The following SLCO3A1 variants were observed in gnomAD, a reference collection of about 807,000 sequenced individuals.
SLCO3A1 encodes the protein solute carrier organic anion transporter family member 3A1, also known as PGE1 transporter.
A neutral mutation model predicts 63.1 loss-of-function variants in SLCO3A1; 27 were observed. That is an observed-to-expected ratio of 0.43 (90% confidence interval 0.32 to 0.59). SLCO3A1 has a LOEUF of 0.59. Ranked by LOEUF, SLCO3A1 falls within the 20% of genes least tolerant of loss-of-function variation. The pLI is 0.09. For missense variants in SLCO3A1, 773 were observed against 945.8 expected, an observed-to-expected ratio of 0.82 and a Z score of 2.40; for synonymous variants, 473 against 409.9, an observed-to-expected ratio of 1.15 and a Z score of -1.86.
At chr15:91,985,100 G>A (rs1014015794) in intron 2 of SLCO3A1, among the ~76,000 whole-genome samples, 6 of 151,944 alleles carry the variant, frequency 3.9e-5, no homozygotes, top group African/African-American at 9.7e-5. Flanking sequence ...AGCCCCCATC[G>A]TGGCTCTCCA....
chr15:91,917,131 G>A (rs1427942386), intron 2 of SLCO3A1, among the ~76,000 whole-genome samples: 5 of 152,184 alleles, frequency 3.3e-5, no homozygotes, highest in African/African-American at 1.2e-4. Flanking sequence ...AGTGTTTTCA[G>A]TGGCTGCGGT....
intron 1 of SLCO3A1, among the ~76,000 whole-genome samples, chr15:91,910,664 G>C (rs1320056029): frequency 6.6e-6 from 1 of 152,194 alleles, no homozygotes; most frequent in Non-Finnish European, 1.5e-5. Context: ...GGGAACTCGA[G>C]GCTCTCCTGC....
chr15:91,965,721 GGTGTGTGT>G (rs35543509), intron 2 of SLCO3A1, among the ~76,000 whole-genome samples: 7 of 147,632 alleles, frequency 4.7e-5, no homozygotes, highest in South Asian at 4.3e-4. Flanking sequence ...CAGCCAGCAG[GGTGTGTGT>G]GTGTGTGTGT....
chr15:92,022,860 G>A (rs916994780), intron 2 of SLCO3A1, among the ~76,000 whole-genome samples: 5 of 148,518 alleles, frequency 3.4e-5, no homozygotes, highest in Admixed American at 2.0e-4. Context: ...AAAGGCAGGG[G>A]CACTGGGAAG....
In SLCO3A1 at chr15:91,883,368, G is replaced by C. The variant is rs1024091102; in HGVS notation, c.180+29280G>C. Among the ~76,000 whole-genome samples, 5 of 152,208 alleles carry C rather than the reference G, an allele frequency of 3.3e-5. No homozygotes were observed. The highest frequency in any genetic ancestry group is 1.3e-4 in the Admixed American group (2 of 15,284). On this transcript the variant is annotated intron_variant, in intron 1 of 9. Coordinates refer to ENST00000318445, the MANE Select transcript of SLCO3A1 (RefSeq NM_013272.4). The surrounding 1 kb of genome is among the most constrained non-coding windows in gnomAD (Gnocchi z 4.8). ...AGCTGAGGTACCACAGGGGATGCCA[G>C]AGACCTGAGGCTTCTTGGTAGAAGC...
chr15:91,911,746 C>G (rs995951352), intron 1 of SLCO3A1, among the ~76,000 whole-genome samples: 3 of 152,078 alleles, frequency 2.0e-5, no homozygotes, highest in African/African-American at 7.2e-5. Flanking sequence ...CCTGCCTCAG[C>G]CTCCAGAGGA....
intron 2 of SLCO3A1, among the ~76,000 whole-genome samples, chr15:91,949,621 C>A (rs1373212871): frequency 6.6e-6 from 1 of 152,098 alleles, no homozygotes; most frequent in Non-Finnish European, 1.5e-5. Context: ...CAGAGTGAGA[C>A]TCTGTCCCCC....
At chr15:91,933,563 G>A (rs1345845141) in intron 2 of SLCO3A1, among the ~76,000 whole-genome samples, 4 of 152,092 alleles carry the variant, frequency 2.6e-5, no homozygotes, top group African/African-American at 9.7e-5. Context: ...AGTATATAAA[G>A]GATCAGGATA....
At position 91,950,525 on chromosome 15, in the gene SLCO3A1, T is replaced by C. The variant is rs1899963947; in HGVS notation, c.646+34067T>C. Among the ~76,000 whole-genome samples the C allele has an allele frequency of 6.6e-6, 1 of 152,236 alleles. No individual in the cohort carries two copies. The highest frequency in any genetic ancestry group is 2.4e-5 in the African/African-American group (1 of 41,462). Reference sequence around the variant, plus strand: ...ATGGCAGGCGCACCCCACATGGGTGTGTGATCCTTTGTTTTTTTGCTGCAG... The same window carrying C: ...ATGGCAGGCGCACCCCACATGGGTGCGTGATCCTTTGTTTTTTTGCTGCAG... On this transcript the variant is annotated intron_variant, in intron 2 of 9. Transcript: ENST00000318445. This position sits in a 1 kb window ranked among gnomAD's most constrained non-coding sequence, Gnocchi z 4.4.
intron 2 of SLCO3A1, among the ~76,000 whole-genome samples, chr15:91,944,340 T>C (rs1041109738): frequency 6.6e-6 from 1 of 152,124 alleles, no homozygotes; most frequent in Non-Finnish European, 1.5e-5. Context: ...TTTCTGGGCT[T>C]CGAGGCAAGA....
Position 92,128,376 on chromosome 15 carries a change from C to T in SLCO3A1, c.1399C>T (p.Pro467Ser), listed in dbSNP as rs758258733. The T allele has an allele frequency of 8.1e-6, 13 of 1,614,012 alleles. No individual in the cohort carries two copies. The highest frequency in any genetic ancestry group is 1.3e-5 in the African/African-American group (1 of 74,904). The part of the protein sequence containing the change: ...NSTAPGSALD[P>S]YSPCNNNCEC... ...CACAGCACCTGGCTCAGCCCTGGAC[C>T]CCTACTCGCCCTGCAATAATAACTG... The change falls in exon 7 of 10, where the codon CCC becomes TCC. Residue 467 changes from proline (P) to serine (S), a missense_variant. Pro to Ser is a moderately conservative substitution (Grantham distance 74). Coordinates refer to ENST00000318445, the MANE Select transcript of SLCO3A1 (RefSeq NM_013272.4).
intron 2 of SLCO3A1, among the ~76,000 whole-genome samples, chr15:92,011,652 T>C (rs2046370458): frequency 6.6e-6 from 1 of 152,216 alleles, no homozygotes; most frequent in South Asian, 2.1e-4. Flanking sequence ...GTGCCTGCCC[T>C]GTGATGTATT....
chr15:91,880,321 A>G (rs1897538680), intron 1 of SLCO3A1, among the ~76,000 whole-genome samples: 1 of 151,462 alleles, frequency 6.6e-6, no homozygotes, highest in East Asian at 1.9e-4. Context: ...CACCACAATT[A>G]GGAAATTGAC....
rs568348897 is a variant in SLCO3A1, at chr15:92,067,927, G to A, written c.647-26954G>A. 1.7e-3 allele frequency among the ~76,000 whole-genome samples: 252 copies of A among 152,270 alleles called. 3 individuals are homozygous for A. Among genetic ancestry groups the A allele is most frequent in the Admixed American group, 4.9e-3 (75 of 15,306 alleles). On this transcript the variant is annotated intron_variant, in intron 2 of 9. Coordinates refer to ENST00000318445, the MANE Select transcript of SLCO3A1 (RefSeq NM_013272.4). ...TCATAGACGGCCACCTTCTTACTGT[G>A]TCCTCTTCTGCGGGAAGGGGTGAGG... is the stretch of plus-strand genomic sequence containing the variant.
intron 2 of SLCO3A1, among the ~76,000 whole-genome samples, chr15:92,039,886 A>G (rs1271053307): frequency 6.6e-6 from 1 of 152,204 alleles, no homozygotes. Context: ...ATACAGCCAT[A>G]AAAAGGAATG....
At chr15:91,976,525 TG>T (rs749268529) in intron 2 of SLCO3A1, among the ~76,000 whole-genome samples, 52 of 152,312 alleles carry the variant, frequency 3.4e-4, no homozygotes, top group Non-Finnish European at 6.8e-4. Flanking sequence ...TACGTGCCAT[TG>T]GGCTTCGAGA....
chr15:91,934,105 G>C (rs1249584099), intron 2 of SLCO3A1, among the ~76,000 whole-genome samples: 1 of 152,086 alleles, frequency 6.6e-6, no homozygotes, highest in Non-Finnish European at 1.5e-5. Flanking sequence ...CAGAGACAAA[G>C]GGCTTTATTA....
intron 1 of SLCO3A1, among the ~76,000 whole-genome samples, chr15:91,896,587 G>A (rs1431258907): frequency 6.6e-6 from 1 of 152,176 alleles, no homozygotes; most frequent in African/African-American, 2.4e-5. Flanking sequence ...GTTTTATAAA[G>A]GGCAAATCTT....
chr15:92,167,807 A>T (rs114296961), downstream of SLCO3A1, among the ~76,000 whole-genome samples: 320 of 152,110 alleles, frequency 2.1e-3, 3 homozygotes, highest in African/African-American at 7.3e-3. Flanking sequence ...GGCAGGGACA[A>T]CATGGGTTAT....
Sources: allele counts gnomAD v4.1 joint callset (sites outside exome capture counted in the v4.1 genomes callset), GRCh38; gene constraint gnomAD v4.1.1; non-coding constraint Gnocchi (gnomAD v3.1); transcripts MANE v1.5; gene names NCBI Gene and HGNC (gene_info 2026-07-23, HGNC 2026-07-21).